The following ARHGAP32 variants were observed in gnomAD, a reference collection of about 807,000 sequenced individuals.
The protein encoded by ARHGAP32 is rho GTPase-activating protein 32.
Under a neutral mutation model 186.5 loss-of-function variants are expected in ARHGAP32, and 51 were observed. That is an observed-to-expected ratio of 0.27 (90% CI 0.22 to 0.35). The LOEUF is 0.35. Among genes scored for constraint, ARHGAP32 ranks in the 10% least tolerant of loss-of-function variants. The pLI, the probability that ARHGAP32 is intolerant of heterozygous loss-of-function variation, is 1.00. For synonymous variants in ARHGAP32, 950 were observed against 964.3 expected, an observed-to-expected ratio of 0.99 and a Z score of 0.27; for missense variants, 2,186 against 2,623.5, an observed-to-expected ratio of 0.83 and a Z score of 3.64.
intron 9 of ARHGAP32, among the ~76,000 whole-genome samples, chr11:129,062,620 T>C (rs540225772): frequency 2.7e-3 from 407 of 152,326 alleles, no homozygotes; most frequent in African/African-American, 9.3e-3. Context: ...GCCAGATTCA[T>C]AGCATAAGAT....
chr11:129,164,395 T>A lies in ARHGAP32; in HGVS notation c.149A>T (p.Asp50Val). Residue 50 changes from aspartate to valine, a missense_variant, in exon 2 of 23, where the codon GAT becomes GTT. Asp to Val is a radical substitution (Grantham distance 152). This residue lies in a region of ARHGAP32 where 108 missense variants were observed against 116.8 expected (regional missense o/e 0.92). Transcript: ENST00000682385. ...KMKSSVHSEE[D>V]DFVPELHRNV... The stretch of plus-strand genomic sequence containing the variant: ...TCTATGTAGCTCTGGAACAAAATCA[T>A]CTTCTTCAGAATGTACTGAGGACTT... 2 of 1,572,974 alleles carry A rather than the reference T, an allele frequency of 1.3e-6. No individual in the cohort carries two copies. Among genetic ancestry groups the A allele is most frequent in the Non-Finnish European group, 1.7e-6 (2 of 1,157,504 alleles).
Position 128,966,705 on chromosome 11 carries a change from C to T in ARHGAP32, c.*2202G>A, listed in dbSNP as rs1234105187. ...ACAAATATTAAAACTGGACCGGACT[C>T]CCTGGGTTACTTTCTTTAGGCTCTC... On this transcript the variant is annotated 3_prime_UTR_variant, in exon 23 of 23. Coordinates refer to ENST00000682385, the MANE Select transcript of ARHGAP32 (RefSeq NM_001378024.1). The T allele has an allele frequency of 1.3e-5, 2 of 152,148 alleles. No homozygotes were observed. Among genetic ancestry groups the T allele is most frequent in the Admixed American group, 6.5e-5 (1 of 15,278 alleles). The allele number at this position is 152,148 out of a possible 1,614,324, so 9.4% of individuals were successfully genotyped here. A position where few individuals can be genotyped will look rare whatever the true frequency, so the allele number is the denominator to read the frequency against.
intron 1 of ARHGAP32, among the ~76,000 whole-genome samples, chr11:129,204,767 C>T (rs1473905690): frequency 1.3e-5 from 2 of 152,162 alleles, no homozygotes; most frequent in African/African-American, 4.8e-5. Flanking sequence ...AGGCATTTTT[C>T]TCAAATCACA....
chr11:128,995,349 G>T (rs894562563), intron 12 of ARHGAP32, among the ~76,000 whole-genome samples: 5 of 152,008 alleles, frequency 3.3e-5, no homozygotes, highest in Non-Finnish European at 7.4e-5. Flanking sequence ...TAGAAGTATG[G>T]GTGTGTGCCA....
At chr11:129,097,345 G>C (rs1018574140) in intron 5 of ARHGAP32, among the ~76,000 whole-genome samples, 4 of 151,940 alleles carry the variant, frequency 2.6e-5, no homozygotes, top group Non-Finnish European at 5.9e-5. Flanking sequence ...AACTGTTTCT[G>C]AAAAAGATCT....
intron 5 of ARHGAP32, among the ~76,000 whole-genome samples, chr11:129,121,350 C>G (rs1942524082): frequency 6.6e-6 from 1 of 151,986 alleles, no homozygotes; most frequent in Non-Finnish European, 1.5e-5. Context: ...ATGTTTTCCT[C>G]CTGATGGTAT....
chr11:129,193,897 T>A (rs1375714177), upstream of ARHGAP32, among the ~76,000 whole-genome samples: 1 of 149,328 alleles, frequency 6.7e-6, no homozygotes, highest in African/African-American at 2.5e-5. Flanking sequence ...ATTTATTTAA[T>A]ATATAAAAAG....
At chr11:129,058,234 CTCTCTA>C (rs1380748155) in intron 10 of ARHGAP32, among the ~76,000 whole-genome samples, 5 of 135,432 alleles carry the variant, frequency 3.7e-5, no homozygotes, top group East Asian at 4.4e-4. Context: ...CTCTCTCTCT[CTCTCTA>C]TATATATATA....
intron 10 of ARHGAP32, among the ~76,000 whole-genome samples, chr11:129,046,300 A>G (rs1027360598): frequency 6.7e-6 from 1 of 150,152 alleles, no homozygotes; most frequent in African/African-American, 2.5e-5. Flanking sequence ...TTTGATTATT[A>G]CCTTTGTTTT....
chr11:129,157,338 C>T (rs1278290156), intron 2 of ARHGAP32, among the ~76,000 whole-genome samples: 1 of 151,952 alleles, frequency 6.6e-6, no homozygotes, highest in East Asian at 1.9e-4. Context: ...TTGAAAAAAG[C>T]TTAAAGGAAT....
chr11:129,130,813 C>T (rs1436113984), intron 2 of ARHGAP32, among the ~76,000 whole-genome samples: 1 of 152,100 alleles, frequency 6.6e-6, no homozygotes, highest in Non-Finnish European at 1.5e-5. Context: ...AAGCATACTC[C>T]ATGATCCTAT....
At chr11:128,972,179 G>T (rs952975302) in intron 22 of ARHGAP32, 9 of 225,210 alleles carry the variant, frequency 4.0e-5, no homozygotes, top group Non-Finnish European at 6.1e-5. Context: ...ATCTCTTTGT[G>T]TTACTGGAAT....
At chr11:129,216,778 C>CA (rs1472771838) in intron 1 of ARHGAP32, among the ~76,000 whole-genome samples, 1 of 150,882 alleles carries the variant, frequency 6.6e-6, no homozygotes, top group East Asian at 1.9e-4. Flanking sequence ...TTCTTCAACT[C>CA]AAAAATTTAT....
intron 1 of ARHGAP32, among the ~76,000 whole-genome samples, chr11:129,258,668 TC>T (rs1438738568): frequency 6.6e-6 from 1 of 152,194 alleles, no homozygotes; most frequent in Admixed American, 6.6e-5. Flanking sequence ...TTAAAGAACT[TC>T]TGCCAGTAAA....
chr11:129,229,786 A>G (rs1214045079), intron 1 of ARHGAP32, among the ~76,000 whole-genome samples: 2 of 152,164 alleles, frequency 1.3e-5, no homozygotes, highest in African/African-American at 4.8e-5. Context: ...TAAGATATAT[A>G]TATGCATAAC....
rs528868566 is a variant in ARHGAP32 at position 129,109,391 on chromosome 11, G to A, written c.444+14055C>T. On this transcript the variant is annotated intron_variant, in intron 5 of 22. Transcript: ENST00000682385. Reference sequence around the variant, plus strand: ...ATAGTGCTGCAATAAACATGGGAGTGTGGGTATCAATCCGATACACTGATT... The same window carrying A: ...ATAGTGCTGCAATAAACATGGGAGTATGGGTATCAATCCGATACACTGATT... Among the ~76,000 whole-genome samples the A allele has an allele frequency of 5.1e-4, 78 of 152,192 alleles. 1 individual carries two copies. Among genetic ancestry groups the A allele is most frequent in the Admixed American group, 1.6e-3 (25 of 15,292 alleles).
chr11:129,085,383 C>A (rs1331108330), intron 6 of ARHGAP32, among the ~76,000 whole-genome samples: 2 of 152,068 alleles, frequency 1.3e-5, no homozygotes, highest in African/African-American at 4.8e-5. Context: ...AAACAAACTA[C>A]ACAGACAGCT....
chr11:129,164,257 T>C (rs1943588759), intron 2 of ARHGAP32, 62 bp downstream of exon 2: 1 of 1,051,120 alleles, frequency 9.5e-7, no homozygotes, highest in Non-Finnish European at 1.4e-6. Context: ...TTCCTTTTCC[T>C]TATATAAGTG....
At position 129,209,982 on chromosome 11, in the gene ARHGAP32, T is replaced by G. The variant is rs184878316; in HGVS notation, c.-4-45555A>C. Among the ~76,000 whole-genome samples, 346 of 152,296 alleles carry G rather than the reference T, an allele frequency of 2.3e-3. 12 individuals are homozygous for G. Among genetic ancestry groups the G allele is most frequent in the Non-Finnish European group, 2.6e-3 (177 of 68,014 alleles). ...TTGAAATAACACCAAGGTGACAGAA[T>G]GCTCAAGTGCACGAACTCTGGTTGT... On this transcript the variant is annotated intron_variant, in intron 1 of 6. Transcript: ENST00000525234.
Sources: gnomAD v4.1 joint callset for allele counts (sites outside exome capture counted in the v4.1 genomes callset) on GRCh38, gnomAD v4.1.1 for gene constraint, gnomAD v4.1.1 regional missense constraint, MANE v1.5 for transcripts, NCBI Gene and HGNC (gene_info 2026-07-23, HGNC 2026-07-21) for gene names.